Variants in PLPP4 observed in about 807,000 individuals in gnomAD.
PLPP4 encodes diacylglycerol pyrophosphate like 2.
A neutral mutation model predicts 32.2 loss-of-function variants in PLPP4; 20 were observed. The observed-to-expected ratio is 0.62, with a 90% CI of 0.44 to 0.90. PLPP4 has a LOEUF of 0.90. Among genes scored for constraint, PLPP4 ranks in the 40% least tolerant of loss-of-function variants. The pLI is 0.00. For synonymous variants in PLPP4, 127 were observed against 133.0 expected (o/e 0.95, Z 0.31); for missense variants, 257 against 353.1 (o/e 0.73, Z 2.18).
intron 5 of PLPP4, among the ~76,000 whole-genome samples, chr10:120,531,341 T>C (rs536602511): frequency 6.6e-6 from 1 of 152,202 alleles, no homozygotes; most frequent in East Asian, 1.9e-4. Context: ...CTTGACCTCA[T>C]GATCCGACCG....
chr10:120,524,885 C>T (rs1015073842), intron 5 of PLPP4, among the ~76,000 whole-genome samples: 3 of 152,094 alleles, frequency 2.0e-5, no homozygotes, highest in Non-Finnish European at 4.4e-5. Context: ...AGCGTAATCC[C>T]GATTTTTTAT....
intron 5 of PLPP4, among the ~76,000 whole-genome samples, chr10:120,541,270 A>G (rs1847327830): frequency 6.6e-6 from 1 of 152,144 alleles, no homozygotes; most frequent in South Asian, 2.1e-4. Flanking sequence ...GCCTCAGTTT[A>G]TTGATTTCTA....
rs532223709 is a variant in PLPP4 at position 120,459,331 on chromosome 10, C to T, written c.56+1970C>T. Among the ~76,000 whole-genome samples, 4 of 152,246 alleles carry T rather than the reference C, an allele frequency of 2.6e-5. No homozygotes were observed. In the South Asian group the frequency reaches 8.3e-4, roughly 32 times the overall value. ...TGTGTCCAACTTGTGGCTCTTTTAC[C>T]TGCAAAAACCAGCTTTGGTATTGAT... On this transcript the variant is annotated intron_variant, in intron 1 of 6. Coordinates refer to ENST00000398250, the MANE Select transcript of PLPP4 (RefSeq NM_001030059.3).
intron 1 of PLPP4, among the ~76,000 whole-genome samples, chr10:120,477,468 T>A (rs1469087775): frequency 1.3e-5 from 2 of 152,164 alleles, no homozygotes; most frequent in African/African-American, 4.8e-5. Flanking sequence ...CTGAGCAAGA[T>A]GCTTTGAAAA....
At position 120,591,666 on chromosome 10, in the gene PLPP4, G is replaced by A. The variant is rs1438621579; in HGVS notation, c.*2164G>A. 6.6e-6 allele frequency among the ~76,000 whole-genome samples: 1 copy of A among 151,292 alleles called. No homozygotes were observed. The highest frequency in any genetic ancestry group is 6.6e-5 in the Admixed American group (1 of 15,222). On this transcript the variant is annotated 3_prime_UTR_variant, in exon 7 of 7. Coordinates refer to ENST00000398250, the MANE Select transcript of PLPP4 (RefSeq NM_001030059.3). ...TGGCCCACATTCTTATTTGATTCTA[G>A]TTTTATCTGAGCAAGAGGAAAGGAA...
chr10:120,519,230 T>C (rs1392327256), intron 4 of PLPP4, among the ~76,000 whole-genome samples: 1 of 152,102 alleles, frequency 6.6e-6, no homozygotes, highest in Non-Finnish European at 1.5e-5. Flanking sequence ...ATAAGTAGGA[T>C]TACTTACCTG....
At chr10:120,538,229 TC>T (rs931196592) in intron 5 of PLPP4, among the ~76,000 whole-genome samples, 34 of 150,840 alleles carry the variant, frequency 2.3e-4, no homozygotes, top group African/African-American at 8.1e-4. Flanking sequence ...TCTTTATGCC[TC>T]CCGGTGAGGC....
chr10:120,476,034 A>G (rs564068106), intron 1 of PLPP4, among the ~76,000 whole-genome samples: 23 of 152,308 alleles, frequency 1.5e-4, no homozygotes, highest in African/African-American at 5.3e-4. Flanking sequence ...CCCAGGGAAC[A>G]TGGAGACGAA....
intron 1 of PLPP4, among the ~76,000 whole-genome samples, chr10:120,500,689 T>TG (rs1845205038): frequency 1.9e-4 from 1 of 5,234 alleles, no homozygotes; most frequent in Non-Finnish European, 4.3e-4. Flanking sequence ...GGTGGGGGGG[T>TG]GGGGTGGGGT....
chr10:120,505,534 C>T (rs1035343230), intron 2 of PLPP4, among the ~76,000 whole-genome samples: 4 of 152,166 alleles, frequency 2.6e-5, no homozygotes, highest in African/African-American at 9.7e-5. Context: ...AAAGAAATCC[C>T]TCTGATTTTA....
intron 5 of PLPP4, among the ~76,000 whole-genome samples, chr10:120,573,135 T>C (rs1326827048): frequency 6.6e-6 from 1 of 152,126 alleles, no homozygotes; most frequent in African/African-American, 2.4e-5. Flanking sequence ...AACTTGCTAC[T>C]CTCTTCTCAA....
At chr10:120,516,076 T>C (rs981800089) in intron 3 of PLPP4, among the ~76,000 whole-genome samples, 1 of 152,208 alleles carries the variant, frequency 6.6e-6, no homozygotes, top group Admixed American at 6.5e-5. Flanking sequence ...CCTAAATAAA[T>C]GAGAGCCTGC....
intron 5 of PLPP4, among the ~76,000 whole-genome samples, chr10:120,546,820 G>A (rs923052808): frequency 6.6e-6 from 1 of 152,132 alleles, no homozygotes; most frequent in African/African-American, 2.4e-5. Context: ...CATCTATCTT[G>A]TCTCCCTTGC....
intron 1 of PLPP4, among the ~76,000 whole-genome samples, chr10:120,492,376 A>G (rs1184941685): frequency 1.3e-5 from 2 of 152,198 alleles, no homozygotes; most frequent in Non-Finnish European, 2.9e-5. Context: ...GTTGCTGCCA[A>G]ATATGCTTAC....
intron 1 of PLPP4, among the ~76,000 whole-genome samples, chr10:120,502,337 AG>A (rs1317734366): frequency 6.6e-6 from 1 of 152,148 alleles, no homozygotes; most frequent in Non-Finnish European, 1.5e-5. Context: ...TAGGGGAGGC[AG>A]GGAGAGAAGG....
chr10:120,568,936 A>C (rs1050416269), intron 5 of PLPP4, among the ~76,000 whole-genome samples: 2 of 152,168 alleles, frequency 1.3e-5, no homozygotes, highest in Non-Finnish European at 2.9e-5. Flanking sequence ...ACCTTCTGTC[A>C]TTCAAAAATC....
intron 1 of PLPP4, among the ~76,000 whole-genome samples, chr10:120,462,581 G>A (rs1048085877): frequency 2.0e-5 from 3 of 152,102 alleles, no homozygotes; most frequent in Non-Finnish European, 4.4e-5. Context: ...AAGCATGGTC[G>A]GTGCCTCCTG....
intron 5 of PLPP4, among the ~76,000 whole-genome samples, chr10:120,526,380 T>C (rs1846391855): frequency 6.6e-6 from 1 of 152,160 alleles, no homozygotes; most frequent in African/African-American, 2.4e-5. Context: ...ATAAAGCTAA[T>C]TGGGCAGGGC....
chr10:120,504,008 C>G, intron 2 of PLPP4, 82 bp downstream of exon 2: 1 of 950,722 alleles, frequency 1.1e-6, no homozygotes, highest in Admixed American at 2.0e-5. Flanking sequence ...TTTTCTAACC[C>G]TGAAGACAGT....
Sources: allele counts gnomAD v4.1 joint callset (sites outside exome capture counted in the v4.1 genomes callset), GRCh38; gene constraint gnomAD v4.1.1; transcripts MANE v1.5; gene names NCBI Gene and HGNC (gene_info 2026-07-23, HGNC 2026-07-21).